The following TLN2 variants were observed in gnomAD, a reference collection of about 807,000 sequenced individuals.
The protein encoded by TLN2 is talin 2, also known as talin-2.
TLN2 carries 118 observed loss-of-function variants against 294.7 expected under a neutral mutation model. That is an observed-to-expected ratio of 0.40 (90% CI 0.34 to 0.47). The LOEUF (loss-of-function observed/expected upper bound fraction) is 0.47, where lower values mean the gene tolerates loss of function less well. TLN2 is among the 20% of genes least tolerant of loss of function. The pLI, the probability that TLN2 is intolerant of heterozygous loss-of-function variation, is 0.84. For missense variants in TLN2, 3,083 were observed against 3,282.2 expected (o/e 0.94, Z 1.48); for synonymous variants, 1,431 against 1,304.5 (o/e 1.10, Z -2.09).
At chr15:62,580,341 A>G (rs1489031674) in intron 1 of TLN2, among the ~76,000 whole-genome samples, 1 of 151,990 alleles carries the variant, frequency 6.6e-6, no homozygotes, top group Non-Finnish European at 1.5e-5. Context: ...ACCTATATTG[A>G]CAAATCATTA....
chr15:62,768,363 G>A (rs935080082), intron 41 of TLN2, among the ~76,000 whole-genome samples: 7 of 152,118 alleles, frequency 4.6e-5, no homozygotes, highest in African/African-American at 7.2e-5. Flanking sequence ...CTTGACTGTC[G>A]CGCTGATCCC....
chr15:62,793,567 C>CT (rs1383106880), intron 46 of TLN2, among the ~76,000 whole-genome samples: 1 of 152,186 alleles, frequency 6.6e-6, no homozygotes, highest in Non-Finnish European at 1.5e-5. Context: ...ACTGTTTTCT[C>CT]TAACTTTCCT....
At chr15:62,723,329 C>T (rs1005407600) in intron 26 of TLN2, among the ~76,000 whole-genome samples, 4 of 152,154 alleles carry the variant, frequency 2.6e-5, no homozygotes, top group African/African-American at 9.7e-5. Flanking sequence ...CCTGGGGATG[C>T]TTATTAGAAT....
chr15:62,623,635 C>CT (rs2140866126), intron 3 of TLN2, among the ~76,000 whole-genome samples: 1 of 152,330 alleles, frequency 6.6e-6, no homozygotes, highest in East Asian at 1.9e-4. Context: ...CCTGGAATTA[C>CT]TGTTAACATT....
intron 3 of TLN2, chr15:62,644,367 A>G (rs1242737405): frequency 7.7e-6 from 3 of 388,266 alleles, no homozygotes; most frequent in East Asian, 7.2e-5. Context: ...TCGTCTGCCA[A>G]TTCAGAATGT....
At position 62,838,899 on chromosome 15, in the gene TLN2, G is replaced by A. The variant is rs145762497; in HGVS notation, c.7418G>A (p.Arg2473His). The A allele has an allele frequency of 3.8e-5, 61 of 1,611,538 alleles. 1 individual carries two copies. In the African/African-American group the frequency reaches 5.9e-4, roughly 16 times the overall value. The change falls in exon 58 of 59, where the codon CGT (arginine) becomes CAT (histidine). Residue 2473 changes from arginine to histidine, a missense_variant. Coordinates refer to ENST00000636159, the MANE Select transcript of TLN2 (RefSeq NM_015059.3). ...AVKRASDNLV[R>H]AAQKAAFGKA... ...AAAAGAGCCTCAGACAATCTTGTCC[G>A]TGCAGCCCAGAAGGCAGCTTTTGGC...
At chr15:62,696,053 G>A (rs923750861) in intron 14 of TLN2, among the ~76,000 whole-genome samples, 1 of 152,196 alleles carries the variant, frequency 6.6e-6, no homozygotes, top group Admixed American at 6.5e-5. Context: ...TTGGTCCTTG[G>A]CTGAGATCTC....
chr15:62,839,481 A>C (rs1037927155), intron 58 of TLN2, among the ~76,000 whole-genome samples: 4 of 152,228 alleles, frequency 2.6e-5, no homozygotes, highest in African/African-American at 7.2e-5. Flanking sequence ...CCCACTGCAG[A>C]CATTTGGCCC....
intron 21 of TLN2, among the ~76,000 whole-genome samples, chr15:62,710,082 A>G (rs920957450): frequency 6.6e-6 from 1 of 152,222 alleles, no homozygotes; most frequent in African/African-American, 2.4e-5. Flanking sequence ...TAGTGGCAGC[A>G]TAGTATTCTA....
intron 1 of TLN2, among the ~76,000 whole-genome samples, chr15:62,451,258 C>T (rs888777930): frequency 6.6e-5 from 10 of 152,146 alleles, no homozygotes; most frequent in African/African-American, 1.9e-4. Flanking sequence ...CTGCAGACTG[C>T]CCCATGTGTC....
intron 3 of TLN2, among the ~76,000 whole-genome samples, chr15:62,628,409 T>C (rs948465515): frequency 2.0e-5 from 3 of 152,246 alleles, no homozygotes; most frequent in Non-Finnish European, 4.4e-5. Context: ...AGCAAAAGTG[T>C]AATAATACTA....
At chr15:62,638,987 T>G (rs774526389) in intron 3 of TLN2, among the ~76,000 whole-genome samples, 1 of 152,212 alleles carries the variant, frequency 6.6e-6, no homozygotes, top group Non-Finnish European at 1.5e-5. Context: ...GGCCCTCTGT[T>G]CATCCTTTAG....
intron 37 of TLN2, among the ~76,000 whole-genome samples, chr15:62,756,519 G>GTT (rs2062262539): frequency 6.6e-6 from 1 of 152,146 alleles, no homozygotes; most frequent in South Asian, 2.1e-4. Context: ...AGCCTTCAAA[G>GTT]GAGCATTGTC....
At chr15:62,677,182 G>A (rs889710698) in intron 11 of TLN2, among the ~76,000 whole-genome samples, 5 of 152,242 alleles carry the variant, frequency 3.3e-5, no homozygotes, top group African/African-American at 1.2e-4. Context: ...TCATTATTGT[G>A]AAGGGCAACC....
intron 1 of TLN2, among the ~76,000 whole-genome samples, chr15:62,427,334 C>T (rs2034769463): frequency 6.6e-6 from 1 of 152,144 alleles, no homozygotes; most frequent in Non-Finnish European, 1.5e-5. Flanking sequence ...ACAGAAAATT[C>T]TGTCTACTTG....
chr15:62,667,519 A>G (rs1034173059), intron 9 of TLN2, among the ~76,000 whole-genome samples: 3 of 152,020 alleles, frequency 2.0e-5, no homozygotes, highest in African/African-American at 7.2e-5. Flanking sequence ...TTGTATGTTC[A>G]TGTGGATCCC....
chr15:62,750,197 A>AC (rs1338388579), intron 33 of TLN2, among the ~76,000 whole-genome samples: 4 of 151,830 alleles, frequency 2.6e-5, no homozygotes, highest in Non-Finnish European at 5.9e-5. Context: ...CTAACCAGAG[A>AC]CCCCCTCCCC....
At chr15:62,713,897 CATATATAT>C (rs34783254) in intron 22 of TLN2, among the ~76,000 whole-genome samples, 1 of 119,068 alleles carries the variant, frequency 8.4e-6, no homozygotes, top group Non-Finnish European at 1.9e-5. Context: ...TTCTTTAAGC[CATATATAT>C]ATATATATAT....
At chr15:62,708,907 C>G in intron 21 of TLN2, 111 bp downstream of exon 21, 1 of 1,303,488 alleles carries the variant, frequency 7.7e-7, no homozygotes, top group Non-Finnish European at 1.0e-6. Context: ...AGGGCAAGTT[C>G]TCTTCAGTCT....
Sources: gnomAD v4.1 joint callset for allele counts (sites outside exome capture counted in the v4.1 genomes callset) on GRCh38, gnomAD v4.1.1 for gene constraint, MANE v1.5 for transcripts, NCBI Gene and HGNC (gene_info 2026-07-23, HGNC 2026-07-21) for gene names.